TSKS: variants seen among roughly 807,000 people sequenced by gnomAD.
TSKS encodes testis specific serine kinase substrate, also known as testis-specific serine kinase substrate.
A neutral mutation model predicts 68.0 loss-of-function variants in TSKS; 27 were observed. The ratio of observed to expected loss-of-function variants is 0.40; its 90% CI spans 0.29 to 0.55. TSKS has a LOEUF of 0.55. TSKS is among the 20% of genes least tolerant of loss of function. The pLI is 0.53. For missense variants in TSKS, 806 were observed against 776.0 expected (o/e 1.04, Z -0.46); for synonymous variants, 331 against 340.4 (o/e 0.97, Z 0.30).
At chr19:49,750,201 G>C (rs901521603) in intron 2 of TSKS, among the ~76,000 whole-genome samples, 2 of 150,996 alleles carry the variant, frequency 1.3e-5, no homozygotes, top group Non-Finnish European at 3.0e-5. Flanking sequence ...TATTCAAGCT[G>C]TGTTATTTTG....
intron 2 of TSKS, among the ~76,000 whole-genome samples, chr19:49,755,412 G>A (rs779927607): frequency 3.9e-5 from 6 of 152,150 alleles, no homozygotes; most frequent in Non-Finnish European, 8.8e-5. Flanking sequence ...TAGGCTCCAG[G>A]GGCCGGGCCA....
chr19:49,748,769 G>A (rs564250351), intron 2 of TSKS, among the ~76,000 whole-genome samples: 6 of 152,270 alleles, frequency 3.9e-5, no homozygotes, highest in Admixed American at 2.6e-4. Context: ...CAAACACTGA[G>A]CTAAATGTCC....
intron 3 of TSKS, 72 bp from the exon 4 acceptor site, chr19:49,748,240 T>G (rs925092591): frequency 6.3e-7 from 1 of 1,584,028 alleles, no homozygotes; most frequent in African/African-American, 1.3e-5. Flanking sequence ...GATCTGGGCC[T>G]GGGAAGGTTC....
chr19:49,758,960 C>G (rs1280019361), intron 2 of TSKS, among the ~76,000 whole-genome samples: 1 of 151,812 alleles, frequency 6.6e-6, no homozygotes, highest in African/African-American at 2.4e-5. Context: ...CAGGTTCAAG[C>G]GATTCTTCTG....
At chr19:49,758,213 C>T (rs1001597435) in intron 2 of TSKS, among the ~76,000 whole-genome samples, 2 of 152,102 alleles carry the variant, frequency 1.3e-5, no homozygotes, top group East Asian at 1.9e-4. Context: ...CTCCCTCTCT[C>T]TCTGGGTCTC....
chr19:49,753,422 C>T (rs958357329), intron 2 of TSKS, among the ~76,000 whole-genome samples: 17 of 151,798 alleles, frequency 1.1e-4, no homozygotes, highest in African/African-American at 3.4e-4. Context: ...ATTAGCTGGA[C>T]GTGGTGGCGG....
At chr19:49,755,030 G>A (rs982057231) in intron 2 of TSKS, among the ~76,000 whole-genome samples, 1 of 152,132 alleles carries the variant, frequency 6.6e-6, no homozygotes, top group Non-Finnish European at 1.5e-5. Context: ...CCAGGAGGCA[G>A]AGGTTGCAAT....
In TSKS at chr19:49,745,300, G is replaced by A. The variant is rs967824680; in HGVS notation, c.1089C>T (p.Asp363=). 8.1e-6 allele frequency: 13 copies of A among 1,605,082 alleles called. No homozygotes were observed. Among genetic ancestry groups the A allele is most frequent in the African/African-American group, 4.0e-5 (3 of 74,892 alleles). ...CCCGCTCCCACTGGCCTAGGAAGCC[G>A]TCGACCCTGCCGCCCAGGCCCCCGA... The part of the protein sequence containing the change: ...RLLGGLGGRV[D]GFLGQWERAQ... The change falls in exon 7 of 11, where the codon GAC becomes GAT. Residue 363 remains aspartate (D), a synonymous_variant. Coordinates refer to ENST00000246801, the MANE Select transcript of TSKS (RefSeq NM_021733.2).
intron 2 of TSKS, among the ~76,000 whole-genome samples, chr19:49,751,842 C>T (rs1365179004): frequency 7.2e-6 from 1 of 139,142 alleles, no homozygotes. Context: ...GCAGGAGGTT[C>T]ACTTGAGCTC....
At chr19:49,758,149 C>T (rs2084408872) in intron 2 of TSKS, among the ~76,000 whole-genome samples, 1 of 139,344 alleles carries the variant, frequency 7.2e-6, no homozygotes, top group South Asian at 2.1e-4. Context: ...TCTCCCTGGT[C>T]TCCCTTCCCC....
At chr19:49,761,116 T>A (rs1455434459) in intron 2 of TSKS, among the ~76,000 whole-genome samples, 1 of 140,624 alleles carries the variant, frequency 7.1e-6, no homozygotes, top group Non-Finnish European at 1.5e-5. Flanking sequence ...ATAAATAAAA[T>A]TTAAAAATAA....
At chr19:49,749,641 G>T (rs956045473) in intron 2 of TSKS, among the ~76,000 whole-genome samples, 3 of 151,858 alleles carry the variant, frequency 2.0e-5, no homozygotes, top group African/African-American at 7.3e-5. Flanking sequence ...GTGTGTGTGT[G>T]GGGGGTCTCT....
intron 2 of TSKS, among the ~76,000 whole-genome samples, chr19:49,749,557 G>A (rs952577466): frequency 6.6e-6 from 1 of 152,076 alleles, no homozygotes; most frequent in Admixed American, 6.6e-5. Flanking sequence ...GCAGCTAGGT[G>A]TGGCCATGTG....
chr19:49,751,899 CAAAAAAAAAAAAA>C (rs61310693), intron 2 of TSKS, among the ~76,000 whole-genome samples: 1 of 41,680 alleles, frequency 2.4e-5, no homozygotes, highest in Admixed American at 3.0e-4. Flanking sequence ...CCCAACTCTA[CAAAAAAAAAAAAA>C]AAAAAAAAAA....
At position 49,746,599 on chromosome 19, in the gene TSKS, C is replaced by T. The variant is rs536024107; in HGVS notation, c.863G>A (p.Ser288Asn). 56 of 1,611,954 alleles carry T rather than the reference C, an allele frequency of 3.5e-5. No homozygotes were observed. The South Asian group carries it at 5.9e-4, about 17-fold the overall frequency. The change falls in exon 6 of 11, where the codon AGT (serine) becomes AAT (asparagine). Residue 288 changes from serine to asparagine, a missense_variant. Physicochemically the swap from Ser to Asn is conservative, Grantham distance 46. Transcript: ENST00000246801. ...GTGTGGCCGCGAGGGTTTGTCGGGA[C>T]TCCCTGGCGGGCCGGGGCAGCCCTG... ...TSQGCPGPPGSPDKPSRPHGL... is the reference protein window; with the variant it reads ...TSQGCPGPPGNPDKPSRPHGL...
intron 8 of TSKS, 40 bp downstream of exon 8, chr19:49,744,191 C>G: frequency 6.3e-7 from 1 of 1,594,766 alleles, no homozygotes; most frequent in South Asian, 1.1e-5. Context: ...CTTTAATGTC[C>G]TATCCACAAG....
intron 1 of TSKS, 105 bp from the exon 2 acceptor site, chr19:49,762,337 T>A: frequency 1.3e-6 from 1 of 757,828 alleles, no homozygotes; most frequent in South Asian, 1.8e-5. Context: ...CCACCCTCAC[T>A]GTATATAAGT....
intron 9 of TSKS, among the ~76,000 whole-genome samples, chr19:49,741,213 A>AG (rs150199681): frequency 0.071 from 10,778 of 152,122 alleles, 651 homozygotes; most frequent in Admixed American, 0.18. Flanking sequence ...AACAGTCCTT[A>AG]GTGCCCTGGT....
At chr19:49,761,246 C>T (rs993937772) in intron 2 of TSKS, among the ~76,000 whole-genome samples, 4 of 152,148 alleles carry the variant, frequency 2.6e-5, no homozygotes, top group Non-Finnish European at 4.4e-5. Context: ...ATGTGGTTCT[C>T]AGTATCTGGT....
Sources: allele counts gnomAD v4.1 joint callset (sites outside exome capture counted in the v4.1 genomes callset), GRCh38; gene constraint gnomAD v4.1.1; transcripts MANE v1.5; gene names NCBI Gene and HGNC (gene_info 2026-07-23, HGNC 2026-07-21).